The following ADGRG1 variants were observed in gnomAD, a reference collection of about 807,000 sequenced individuals.
The protein encoded by ADGRG1 is adhesion G protein-coupled receptor G1.
ADGRG1 carries 53 observed loss-of-function variants against 73.5 expected under a neutral mutation model. The observed-to-expected ratio is 0.72, with a 90% CI of 0.58 to 0.91. ADGRG1 has a LOEUF of 0.91. ADGRG1 is among the 40% of genes least tolerant of loss of function. The probability of loss-of-function intolerance (pLI) is 0.00; values close to 1 mark genes in which losing one functional copy is unlikely to be tolerated. For synonymous variants in ADGRG1, 394 were observed against 374.4 expected (o/e 1.05, Z -0.60); for missense variants, 795 against 871.8 (o/e 0.91, Z 1.11).
At chr16:57,628,375 C>A, upstream of ADGRG1, 1 of 402,376 alleles carries the variant, frequency 2.5e-6, no homozygotes, top group Non-Finnish European at 3.4e-6. Context: ...CCGGCCCCTT[C>A]CTGTCCCTGA....
intron 1 of ADGRG1, chr16:57,642,037 A>C (rs1011283416): frequency 1.0e-6 from 1 of 968,136 alleles, no homozygotes; most frequent in Middle Eastern, 5.3e-4. Flanking sequence ...ACAGGCAAGC[A>C]CTACTACCCC....
chr16:57,663,496 C>G lies in ADGRG1; in HGVS notation c.1978C>G (p.Arg660Gly). 1.9e-6 allele frequency: 3 copies of G among 1,613,948 alleles called. No individual in the cohort carries two copies. The highest frequency in any genetic ancestry group is 2.5e-6 in the Non-Finnish European group (3 of 1,179,940). ...IWYWSMRLQA[R>G]GGPSPLKSNS... ...GTACTGGTCCATGCGGCTGCAGGCCCGGGGTGGCCCCTCCCCTCTGAAGAG... is the reference window on the plus strand; with the variant it reads ...GTACTGGTCCATGCGGCTGCAGGCCGGGGGTGGCCCCTCCCCTCTGAAGAG... The change falls in exon 14 of 14, where the codon CGG becomes GGG. Residue 660 changes from arginine (R) to glycine (G), a missense_variant. Arg to Gly is a moderately radical substitution (Grantham distance 125). Transcript: ENST00000562631.
chr16:57,631,753 C>A, intron 1 of ADGRG1: 2 of 985,536 alleles, frequency 2.0e-6, no homozygotes, highest in Non-Finnish European at 2.4e-6. Context: ...GGCACGGCCT[C>A]AGCCTCCCAG....
At chr16:57,655,001 T>A in intron 5 of ADGRG1, 4 of 957,514 alleles carry the variant, frequency 4.2e-6, no homozygotes, top group Non-Finnish European at 5.0e-6. Context: ...ATTACAGGCG[T>A]GAGCCACTGC....
intron 6 of ADGRG1, 61 bp from the exon 7 acceptor site, chr16:57,655,815 G>A: frequency 6.2e-7 from 1 of 1,613,760 alleles, no homozygotes; most frequent in Non-Finnish European, 8.5e-7. Flanking sequence ...GGGGCTTCTG[G>A]GCCCTTCTTC....
At chr16:57,624,484 G>C (rs1277919165), upstream of ADGRG1, among the ~76,000 whole-genome samples, 1 of 152,188 alleles carries the variant, frequency 6.6e-6, no homozygotes, top group African/African-American at 2.4e-5. Context: ...AAGGGCAACA[G>C]AGCGAGGCCC....
intron 1 of ADGRG1, chr16:57,645,294 G>A (rs1405753167): frequency 1.0e-6 from 1 of 985,340 alleles, no homozygotes; most frequent in Non-Finnish European, 1.2e-6. Flanking sequence ...AAGGCCTCCA[G>A]GTGGGCAAGA....
upstream of ADGRG1, chr16:57,622,769 C>A (rs1381415385): frequency 1.0e-6 from 1 of 985,166 alleles, no homozygotes; most frequent in Non-Finnish European, 1.2e-6. Flanking sequence ...CTTAGGAAGA[C>A]GGGGCGGCCA....
chr16:57,660,102 T>C (rs773781722), intron 11 of ADGRG1: 13 of 240,754 alleles, frequency 5.4e-5, no homozygotes, highest in Non-Finnish European at 8.0e-5. Context: ...TGGCTTGGCA[T>C]TTTGTTCTTG....
In ADGRG1 at chr16:57,663,476, G is replaced by T; in HGVS notation, c.1958G>T (p.Trp653Leu). The T allele has an allele frequency of 6.2e-7, 1 of 1,614,058 alleles. No homozygotes were observed. The highest frequency in any genetic ancestry group is 8.5e-7 in the Non-Finnish European group (1 of 1,179,982). The change falls in exon 14 of 14, where the codon TGG (tryptophan) becomes TTG (leucine). Residue 653 changes from tryptophan (W) to leucine (L), a missense_variant. Trp to Leu is a moderately conservative substitution (Grantham distance 61, BLOSUM62 -2). Transcript: ENST00000562631. ...FQGFLIFIWY[W>L]SMRLQARGGP... is the part of the protein sequence containing the mutation. ...GGCTTCCTCATCTTCATCTGGTACT[G>T]GTCCATGCGGCTGCAGGCCCGGGGT...
intron 1 of ADGRG1, chr16:57,631,109 G>A (rs577670757): frequency 5.2e-5 from 46 of 887,610 alleles, no homozygotes; most frequent in Admixed American, 2.9e-4. Flanking sequence ...GTCTCTGGCT[G>A]CTGGGTTAAG....
chr16:57,635,787 C>T, intron 1 of ADGRG1: 3 of 985,410 alleles, frequency 3.0e-6, no homozygotes, highest in Non-Finnish European at 3.6e-6. Context: ...GAAAGGAGTG[C>T]ACCATGCTCC....
intron 1 of ADGRG1, chr16:57,634,965 G>A (rs1259940100): frequency 5.0e-5 from 49 of 985,308 alleles, no homozygotes; most frequent in Non-Finnish European, 5.8e-5. Flanking sequence ...TGAAAGCCAT[G>A]AATGCATCTT....
chr16:57,639,473 C>T (rs1420121537), intron 1 of ADGRG1: 12 of 985,294 alleles, frequency 1.2e-5, no homozygotes, highest in Non-Finnish European at 1.4e-5. Flanking sequence ...CCCTGGCTGT[C>T]CCCTTTGTTT....
intron 11 of ADGRG1, 49 bp from the exon 12 acceptor site, chr16:57,660,719 G>T (rs762033588): frequency 6.7e-7 from 1 of 1,482,232 alleles, no homozygotes; most frequent in Non-Finnish European, 9.3e-7. Context: ...CAGGGAATGG[G>T]CAGGCCTCAG....
At chr16:57,629,024 TTGAG>T (rs1567670181) in intron 1 of ADGRG1, 2 of 450,276 alleles carry the variant, frequency 4.4e-6, no homozygotes, top group South Asian at 9.9e-5. Context: ...GACTGAGCGT[TTGAG>T]TGTGAGAGTG....
chr16:57,631,919 G>A (rs1165225486), intron 1 of ADGRG1: 4 of 968,676 alleles, frequency 4.1e-6, no homozygotes, highest in Non-Finnish European at 4.9e-6. Flanking sequence ...TTGGGGAGTA[G>A]GAAGGGACAC....
rs573831732 is a variant in ADGRG1, at chr16:57,652,204, G to A, written c.487+582G>A. 1.4e-4 allele frequency: 138 copies of A among 964,980 alleles called. No homozygotes were observed. The Middle Eastern group carries it at 2.1e-3, about 15-fold the overall frequency. The allele number at this position is 964,980 out of a possible 1,614,324, so 59.8% of individuals were successfully genotyped here. A position where few individuals can be genotyped will look rare whatever the true frequency, so the allele number is the denominator to read the frequency against. ...GGGTTGACTCTGAGGTCCAGAAGCT[G>A]CATCTTCCCCCTTGAGTGTGACAGG... On this transcript the variant is annotated intron_variant, in intron 3 of 13. Transcript: ENST00000562631.
Position 57,657,027 on chromosome 16 carries a change from G to A in ADGRG1, c.1168-346G>A, listed in dbSNP as rs113280532. On this transcript the variant is annotated intron_variant, in intron 9 of 13. Coordinates refer to ENST00000562631, the MANE Select transcript of ADGRG1 (RefSeq NM_201525.4). Reference sequence around the variant, plus strand: ...GGATTCTGCCTGTGGGTATCCACCTGGGGCTTGAACACCCCTGGGTGTGGG... The same window carrying A: ...GGATTCTGCCTGTGGGTATCCACCTAGGGCTTGAACACCCCTGGGTGTGGG... Among the ~76,000 whole-genome samples, 23 of 152,298 alleles carry A rather than the reference G, an allele frequency of 1.5e-4. 1 individual carries two copies. The highest frequency in any genetic ancestry group is 5.1e-4 in the African/African-American group (21 of 41,568).
Sources: allele counts gnomAD v4.1 joint callset (sites outside exome capture counted in the v4.1 genomes callset), GRCh38; gene constraint gnomAD v4.1.1; transcripts MANE v1.5; gene names NCBI Gene and HGNC (gene_info 2026-07-23, HGNC 2026-07-21).